PCED1B: variants seen among roughly 807,000 people sequenced by gnomAD.
PCED1B encodes PC-esterase domain containing 1B.
For synonymous variants in PCED1B, 251 were observed against 246.1 expected (o/e 1.02, Z -0.19); for missense variants, 573 against 573.9 (o/e 1.00, Z 0.02).
intron 3 of PCED1B, among the ~76,000 whole-genome samples, chr12:47,233,209 A>T (rs1207451153): frequency 6.6e-6 from 1 of 150,918 alleles, no homozygotes; most frequent in South Asian, 2.1e-4. Context: ...GCCCACCACA[A>T]TTTTTGGCAC....
chr12:47,199,206 A>G (rs537287989), intron 2 of PCED1B, among the ~76,000 whole-genome samples: 38 of 152,286 alleles, frequency 2.5e-4, no homozygotes, highest in Middle Eastern at 3.4e-3. Context: ...AAGGACCTAT[A>G]TAAGGAAAAC....
At position 47,131,947 on chromosome 12, in the gene PCED1B, G is replaced by A. The variant is rs142034911; in HGVS notation, c.-526+27752G>A. On this transcript the variant is annotated intron_variant, in intron 2 of 3. Transcript: ENST00000546455. ...CTCCCAAAGTGCTGGGATTACAGGCGTGAGCCACCGTGCCCAGCCTGTCAT... is the reference window on the plus strand; with the variant it reads ...CTCCCAAAGTGCTGGGATTACAGGCATGAGCCACCGTGCCCAGCCTGTCAT... Among the ~76,000 whole-genome samples the A allele has an allele frequency of 1.6e-3, 241 of 152,202 alleles. 1 individual carries two copies. The highest frequency in any genetic ancestry group is 2.9e-3 in the Non-Finnish European group (199 of 68,018).
chr12:47,114,975 A>G (rs1939353779), intron 2 of PCED1B, among the ~76,000 whole-genome samples: 1 of 152,236 alleles, frequency 6.6e-6, no homozygotes, highest in African/African-American at 2.4e-5. Flanking sequence ...GAATTACTCC[A>G]AAGTTGGTAT....
chr12:47,215,252 C>G (rs943785008), intron 2 of PCED1B, among the ~76,000 whole-genome samples: 3 of 147,914 alleles, frequency 2.0e-5, no homozygotes, highest in Non-Finnish European at 3.0e-5. Context: ...CCATCTCCCC[C>G]ACCCTTTTTT....
intron 2 of PCED1B, among the ~76,000 whole-genome samples, chr12:47,176,835 G>A (rs1009080324): frequency 1.3e-5 from 2 of 151,560 alleles, no homozygotes; most frequent in East Asian, 1.9e-4. Context: ...AACTGGTGTC[G>A]GAATATTGGT....
intron 1 of PCED1B, among the ~76,000 whole-genome samples, chr12:47,096,832 A>G (rs1170913372): frequency 2.0e-5 from 3 of 152,242 alleles, no homozygotes; most frequent in East Asian, 1.9e-4. Context: ...TAGTGCCACT[A>G]TGTAAGTTAA....
intron 1 of PCED1B, among the ~76,000 whole-genome samples, chr12:47,084,102 T>C (rs1937868023): frequency 6.6e-6 from 1 of 152,148 alleles, no homozygotes; most frequent in African/African-American, 2.4e-5. Context: ...AAAAACTCAA[T>C]AAATAAGTTA....
intron 3 of PCED1B, among the ~76,000 whole-genome samples, chr12:47,231,386 T>C (rs1297032200): frequency 1.0e-5 from 1 of 95,464 alleles, no homozygotes; most frequent in African/African-American, 4.3e-5. Context: ...GGGGAGTCGC[T>C]AGGAGATAAT....
At chr12:47,135,598 TG>T in intron 2 of PCED1B, 1 of 503,184 alleles carries the variant, frequency 2.0e-6, no homozygotes, top group South Asian at 1.6e-5. Flanking sequence ...GACACAGGCC[TG>T]GGCCCCAGTC....
At chr12:47,228,605 C>T (rs763616775) in intron 3 of PCED1B, among the ~76,000 whole-genome samples, 1 of 152,130 alleles carries the variant, frequency 6.6e-6, no homozygotes, top group Non-Finnish European at 1.5e-5. Flanking sequence ...TGCAGTGGCT[C>T]ACACTTGTAA....
chr12:47,083,153 T>A (rs1937823073), intron 1 of PCED1B, among the ~76,000 whole-genome samples: 1 of 151,854 alleles, frequency 6.6e-6, no homozygotes, highest in African/African-American at 2.4e-5. Context: ...TTTAAGTAAT[T>A]AGAGATATGA....
chr12:47,225,967 T>C (rs1025203995), intron 3 of PCED1B, among the ~76,000 whole-genome samples: 3 of 152,186 alleles, frequency 2.0e-5, no homozygotes, highest in African/African-American at 7.2e-5. Flanking sequence ...TTGTGATCAT[T>C]GTAAAGCAAT....
chr12:47,183,545 G>C (rs1022147980), intron 2 of PCED1B, among the ~76,000 whole-genome samples: 4 of 151,876 alleles, frequency 2.6e-5, no homozygotes, highest in Admixed American at 6.6e-5. Flanking sequence ...GATTTAACTT[G>C]GGTTAACCAG....
At chr12:47,159,689 C>G (rs1302002596) in intron 2 of PCED1B, among the ~76,000 whole-genome samples, 1 of 151,934 alleles carries the variant, frequency 6.6e-6, no homozygotes, top group Non-Finnish European at 1.5e-5. Context: ...TGTGGATTGT[C>G]TCTTCACTCT....
At chr12:47,213,835 A>T (rs1225881157) in intron 2 of PCED1B, among the ~76,000 whole-genome samples, 2 of 152,220 alleles carry the variant, frequency 1.3e-5, no homozygotes, top group Non-Finnish European at 2.9e-5. Context: ...AGTTCTTGAA[A>T]GCAAGAAAAT....
At chr12:47,155,243 G>A (rs971378734) in intron 2 of PCED1B, among the ~76,000 whole-genome samples, 7 of 152,294 alleles carry the variant, frequency 4.6e-5, no homozygotes, top group South Asian at 2.1e-4. Context: ...ACTGAAAGGA[G>A]CTACCCTATT....
At chr12:47,106,839 C>T (rs964985292) in intron 2 of PCED1B, among the ~76,000 whole-genome samples, 2 of 152,046 alleles carry the variant, frequency 1.3e-5, no homozygotes, top group African/African-American at 2.4e-5. Context: ...AATTGCTTTC[C>T]TCCACCTCTG....
intron 2 of PCED1B, among the ~76,000 whole-genome samples, chr12:47,159,608 C>T (rs980050072): frequency 4.0e-5 from 6 of 151,436 alleles, no homozygotes; most frequent in Non-Finnish European, 5.9e-5. Context: ...GTTGAGCTCT[C>T]GGTTTTCCTT....
intron 1 of PCED1B, among the ~76,000 whole-genome samples, chr12:47,092,724 G>A (rs961370130): frequency 6.6e-6 from 1 of 152,028 alleles, no homozygotes; most frequent in Non-Finnish European, 1.5e-5. Flanking sequence ...CATCACAAAT[G>A]GATGTTGAAT....
Sources: allele counts gnomAD v4.1 joint callset (sites outside exome capture counted in the v4.1 genomes callset), GRCh38; gene constraint gnomAD v4.1.1; transcripts MANE v1.5; gene names NCBI Gene and HGNC (gene_info 2026-07-23, HGNC 2026-07-21).